Variants in PTCD3 observed in about 807,000 individuals in gnomAD.
The protein encoded by PTCD3 is small ribosomal subunit protein mS39.
A neutral mutation model predicts 101.9 loss-of-function variants in PTCD3; 89 were observed. The ratio of observed to expected loss-of-function variants is 0.87; its 90% CI spans 0.74 to 1.04. The LOEUF is 1.04. Among genes scored for constraint, PTCD3 ranks in the 50% least tolerant of loss-of-function variants. PTCD3 has a pLI of 0.00. For missense variants in PTCD3, 870 were observed against 828.2 expected, an observed-to-expected ratio of 1.05 and a Z score of -0.62; for synonymous variants, 296 against 278.5, an observed-to-expected ratio of 1.06 and a Z score of -0.63.
chr2:86,134,862 T>C lies in PTCD3; in HGVS notation c.1653T>C (p.Cys551=). ...PPELQVAFAD[C]AADIKSAYES... is the part of the protein sequence containing the mutation. ...AGCTTCAGGTGGCATTTGCTGACTG[T>C]GCTGCTGATATCAAATCTGCGTATG... The change falls in exon 21 of 24, where the codon TGT becomes TGC. Residue 551 remains cysteine (C), a synonymous_variant. Coordinates refer to ENST00000254630, the MANE Select transcript of PTCD3 (RefSeq NM_017952.6). 6.2e-7 allele frequency: 1 copy of C among 1,614,170 alleles called. No individual in the cohort carries two copies. The highest frequency in any genetic ancestry group is 8.5e-7 in the Non-Finnish European group (1 of 1,180,024).
At position 86,121,579 on chromosome 2, in the gene PTCD3, A is replaced by C. The variant is rs374959969; in HGVS notation, c.639A>C (p.Gly213=). 7.0e-5 allele frequency: 112 copies of C among 1,605,218 alleles called. No individual in the cohort carries two copies. The highest frequency in any genetic ancestry group is 8.9e-5 in the Non-Finnish European group (104 of 1,174,794). Residue 213 remains glycine (G), a synonymous_variant, in exon 8 of 24, where the codon GGA becomes GGC. Coordinates refer to ENST00000254630, the MANE Select transcript of PTCD3 (RefSeq NM_017952.6). ...CTGATTACCATTTTCAACAAACTGG[A>C]CAGTCAGAAGCATTGGTAATAACTG... The part of the protein sequence containing the change: ...PSTDYHFQQT[G]QSEALEEEND...
intron 9 of PTCD3, among the ~76,000 whole-genome samples, 171 bp downstream of exon 9, chr2:86,123,933 G>A (rs1196727251): frequency 2.6e-5 from 4 of 152,032 alleles, no homozygotes; most frequent in Admixed American, 2.6e-4. Flanking sequence ...TTTTCAATAA[G>A]GTCTTTATCT....
In PTCD3 at chr2:86,130,852, T is replaced by A. The variant is rs544927289; in HGVS notation, c.1237+115T>A. The A allele has an allele frequency of 7.6e-4, 1,005 of 1,314,192 alleles. 5 individuals carry two copies. In the South Asian group the frequency reaches 0.011, roughly 14 times the overall value. The allele number at this position is 1,314,192 out of a possible 1,614,324, so 81.4% of individuals were successfully genotyped here. ...GCTTAGAAGTATTTTTTTTTTTTTTTAAATAAATTTGAGTACATAGTAGGT... is the reference window on the plus strand; with the variant it reads ...GCTTAGAAGTATTTTTTTTTTTTTTAAAATAAATTTGAGTACATAGTAGGT... On this transcript the variant is annotated intron_variant, in intron 15 of 23. Transcript: ENST00000254630.
At chr2:86,137,347 C>A in intron 23 of PTCD3, 122 bp from the exon 24 acceptor site, 2 of 1,411,960 alleles carry the variant, frequency 1.4e-6, no homozygotes, top group African/African-American at 1.5e-5. Flanking sequence ...TAGTTTAATG[C>A]AACTGCAGGG....
chr2:86,133,483 C>T, intron 19 of PTCD3, 47 bp downstream of exon 19: 2 of 1,482,298 alleles, frequency 1.3e-6, no homozygotes, highest in Admixed American at 3.5e-5. Flanking sequence ...CCTCAATATC[C>T]TCTACTTTGA....
At chr2:86,137,304 G>A (rs956932131) in intron 23 of PTCD3, among the ~76,000 whole-genome samples, 164 bp downstream of exon 23, 2 of 152,134 alleles carry the variant, frequency 1.3e-5, no homozygotes, top group Non-Finnish European at 2.9e-5. Context: ...AAAGCCTATA[G>A]ATTTGACTGT....
chr2:86,127,869 C>A, intron 13 of PTCD3, 72 bp from the exon 14 acceptor site: 1 of 1,159,490 alleles, frequency 8.6e-7, no homozygotes, highest in South Asian at 1.2e-5. Flanking sequence ...CAGTGTGTCT[C>A]AGTAAACTAT....
chr2:86,106,479 C>A, intron 1 of PTCD3, 128 bp downstream of exon 1: 1 of 878,336 alleles, frequency 1.1e-6, no homozygotes, highest in East Asian at 2.6e-5. Context: ...GTCGCGTGCC[C>A]TTAAGACCAG....
At chr2:86,119,197 A>G in intron 7 of PTCD3, 153 bp downstream of exon 7, 2 of 1,003,584 alleles carry the variant, frequency 2.0e-6, no homozygotes, top group Non-Finnish European at 2.8e-6. Context: ...AGTTTATTTC[A>G]TTTTTAGCTT....
At chr2:86,118,256 A>G (rs925832891) in intron 6 of PTCD3, among the ~76,000 whole-genome samples, 2 of 151,838 alleles carry the variant, frequency 1.3e-5, no homozygotes, top group African/African-American at 4.8e-5. Flanking sequence ...TTTGTTCTGT[A>G]GTTTTGGAGT....
chr2:86,130,900 C>G, intron 15 of PTCD3, 163 bp downstream of exon 15: 1 of 1,449,756 alleles, frequency 6.9e-7, no homozygotes, highest in Non-Finnish European at 9.1e-7. Context: ...GTAATATTTG[C>G]CATGGTCTTT....
intron 13 of PTCD3, 197 bp downstream of exon 13, chr2:86,127,502 T>C (rs2104457630): frequency 1.7e-6 from 1 of 588,760 alleles, no homozygotes; most frequent in South Asian, 2.5e-5. Context: ...TCATTAGTAT[T>C]TTAGGTACTT....
chr2:86,130,580 A>C (rs1324243814), intron 14 of PTCD3, 68 bp from the exon 15 acceptor site: 1 of 1,559,134 alleles, frequency 6.4e-7, no homozygotes, highest in Non-Finnish European at 8.7e-7. Context: ...GTCCCTTTGT[A>C]TTAGGTACAG....
chr2:86,123,452 A>G (rs1484396441), intron 8 of PTCD3, among the ~76,000 whole-genome samples: 1 of 152,152 alleles, frequency 6.6e-6, no homozygotes, highest in Non-Finnish European at 1.5e-5. Context: ...CATACAGGGA[A>G]CTGGCTTCAT....
intron 10 of PTCD3, 71 bp downstream of exon 10, chr2:86,125,153 C>T (rs971631277): frequency 1.9e-6 from 3 of 1,571,606 alleles, no homozygotes; most frequent in Non-Finnish European, 2.6e-6. Flanking sequence ...GAACTACTAA[C>T]ATTTTGGGTC....
intron 13 of PTCD3, chr2:86,127,556 G>A (rs1429885822): frequency 1.0e-5 from 5 of 493,818 alleles, no homozygotes; most frequent in Non-Finnish European, 1.8e-5. Context: ...ATTGCTTTGA[G>A]TTAGCTAGTT....
At chr2:86,116,436 C>A in intron 4 of PTCD3, 94 bp from the exon 5 acceptor site, 1 of 1,041,684 alleles carries the variant, frequency 9.6e-7, no homozygotes, top group Non-Finnish European at 1.5e-6. Context: ...ACTTGGGAGG[C>A]TGAGGCAGGA....
At chr2:86,119,218 TAAG>T in intron 7 of PTCD3, 174 bp downstream of exon 7, 1 of 841,408 alleles carries the variant, frequency 1.2e-6, no homozygotes, top group Non-Finnish European at 1.7e-6. Flanking sequence ...TAGTGTTACT[TAAG>T]AATTACAGGC....
At chr2:86,123,045 G>T (rs560498365) in intron 8 of PTCD3, among the ~76,000 whole-genome samples, 1 of 152,248 alleles carries the variant, frequency 6.6e-6, no homozygotes, top group East Asian at 1.9e-4. Flanking sequence ...GGATCATGAG[G>T]TCAGGAGATC....
Sources: allele counts gnomAD v4.1 joint callset (sites outside exome capture counted in the v4.1 genomes callset), GRCh38; gene constraint gnomAD v4.1.1; transcripts MANE v1.5; gene names NCBI Gene and HGNC (gene_info 2026-07-23, HGNC 2026-07-21).